SCFD2: variants seen among roughly 807,000 people sequenced by gnomAD.
The protein encoded by SCFD2 is sec1 family domain containing 2, also known as sec1 family domain-containing protein 2.
A neutral mutation model predicts 58.9 loss-of-function variants in SCFD2; 54 were observed. The observed-to-expected ratio is 0.92, with a 90% CI of 0.74 to 1.15. The LOEUF (loss-of-function observed/expected upper bound fraction) is 1.15. Ranked by LOEUF, SCFD2 falls within the 50% of genes most tolerant of loss-of-function variation. The probability of loss-of-function intolerance (pLI) is 0.00; values close to 1 mark genes in which losing one functional copy is unlikely to be tolerated. For missense variants in SCFD2, 805 were observed against 836.6 expected (o/e 0.96, Z 0.47); for synonymous variants, 321 against 335.9 (o/e 0.96, Z 0.49).
At chr4:53,311,670 T>C (rs1732695658) in intron 3 of SCFD2, among the ~76,000 whole-genome samples, 2 of 151,614 alleles carry the variant, frequency 1.3e-5, no homozygotes, top group South Asian at 4.2e-4. Flanking sequence ...GGTGTCTCAC[T>C]CTGTTGCCAG....
At chr4:53,137,767 T>C (rs372878632) in intron 5 of SCFD2, among the ~76,000 whole-genome samples, 2 of 152,188 alleles carry the variant, frequency 1.3e-5, no homozygotes, top group African/African-American at 4.8e-5. Context: ...ACAAAACATG[T>C]TTAGCAAGAC....
chr4:52,879,637 G>A lies in SCFD2; in HGVS notation c.1963-5576C>T, dbSNP rs571599138. Among the ~76,000 whole-genome samples the A allele has an allele frequency of 4.6e-5, 7 of 152,352 alleles. No individual in the cohort carries two copies. In the South Asian group the frequency reaches 1.5e-3, roughly 32 times the overall value. ...TATCTACTCCAGCTGGAAGGGGGAT[G>A]TTCGGTCTTTGTTCTCAGGCCTGCC... On this transcript the variant is annotated intron_variant, in intron 8 of 8. Coordinates refer to ENST00000401642, the MANE Select transcript of SCFD2 (RefSeq NM_152540.4).
chr4:53,011,832 C>A (rs1036734353), intron 5 of SCFD2, among the ~76,000 whole-genome samples: 2 of 152,056 alleles, frequency 1.3e-5, no homozygotes, highest in South Asian at 2.1e-4. Context: ...TCCTTGATGC[C>A]TTCATAACAT....
At chr4:53,017,474 T>A (rs1722242970) in intron 5 of SCFD2, among the ~76,000 whole-genome samples, 1 of 152,226 alleles carries the variant, frequency 6.6e-6, no homozygotes, top group African/African-American at 2.4e-5. Context: ...CAATACAGGT[T>A]TTATAAACCT....
intron 5 of SCFD2, among the ~76,000 whole-genome samples, chr4:53,058,110 T>C (rs903827224): frequency 2.6e-5 from 4 of 152,178 alleles, no homozygotes; most frequent in African/African-American, 9.7e-5. Flanking sequence ...ACTTAGCTAA[T>C]TACAAATCTA....
intron 5 of SCFD2, among the ~76,000 whole-genome samples, chr4:53,071,819 A>C (rs1414871171): frequency 1.3e-5 from 2 of 152,184 alleles, no homozygotes; most frequent in Non-Finnish European, 2.9e-5. Context: ...TATATTCTAA[A>C]AGGGGGATTT....
intron 4 of SCFD2, among the ~76,000 whole-genome samples, chr4:53,235,116 A>C (rs1250230841): frequency 6.6e-6 from 1 of 152,246 alleles, no homozygotes; most frequent in Admixed American, 6.5e-5. Context: ...CTGCCCTTTA[A>C]ATGCACAGCC....
intron 5 of SCFD2, among the ~76,000 whole-genome samples, chr4:53,121,253 C>T (rs542720996): frequency 3.9e-5 from 6 of 152,242 alleles, no homozygotes; most frequent in East Asian, 1.9e-4. Flanking sequence ...AGGGCCCACA[C>T]GTAATACAAG....
intron 5 of SCFD2, among the ~76,000 whole-genome samples, chr4:53,064,279 C>T (rs1209856917): frequency 6.6e-6 from 1 of 152,072 alleles, no homozygotes; most frequent in Non-Finnish European, 1.5e-5. Flanking sequence ...CTTCCACCCT[C>T]CCCCTCTAGT....
intron 7 of SCFD2, among the ~76,000 whole-genome samples, chr4:52,895,439 GTGATACTTTGCTGAGAA>G (rs1296319595): frequency 6.6e-6 from 1 of 152,032 alleles, no homozygotes; most frequent in Non-Finnish European, 1.5e-5. Flanking sequence ...TTTTGCCTTT[GTGATACTTTGCTGAGAA>G]TGATGGTTTC....
chr4:53,126,509 T>C (rs904857513), intron 5 of SCFD2, among the ~76,000 whole-genome samples: 13 of 152,098 alleles, frequency 8.5e-5, no homozygotes, highest in African/African-American at 3.1e-4. Flanking sequence ...AGAGACAGGG[T>C]TTTGCCATGT....
chr4:52,875,060 TA>T (rs1718438557), intron 8 of SCFD2, among the ~76,000 whole-genome samples: 1 of 152,096 alleles, frequency 6.6e-6, no homozygotes, highest in Admixed American at 6.5e-5. Context: ...ATGAAGAAAA[TA>T]AAGTACAGAA....
At chr4:52,981,247 C>G (rs1272872291) in intron 5 of SCFD2, among the ~76,000 whole-genome samples, 3 of 152,134 alleles carry the variant, frequency 2.0e-5, no homozygotes, top group Non-Finnish European at 2.9e-5. Flanking sequence ...AACATACAAA[C>G]TCACATGGAG....
intron 3 of SCFD2, among the ~76,000 whole-genome samples, chr4:53,282,815 T>C (rs1431302136): frequency 1.3e-5 from 2 of 152,046 alleles, no homozygotes; most frequent in African/African-American, 4.8e-5. Flanking sequence ...TCATGTGTGG[T>C]TTTTTAAATT....
At chr4:53,327,327 G>A (rs534566501) in intron 2 of SCFD2, among the ~76,000 whole-genome samples, 1 of 152,172 alleles carries the variant, frequency 6.6e-6, no homozygotes, top group East Asian at 1.9e-4. Context: ...GTCTGACCCA[G>A]GGTGGCAGAG....
intron 5 of SCFD2, among the ~76,000 whole-genome samples, chr4:52,938,657 C>G (rs749893992): frequency 6.6e-6 from 1 of 152,116 alleles, no homozygotes; most frequent in South Asian, 2.1e-4. Context: ...ATAACTAACA[C>G]TTAATGTCCT....
intron 5 of SCFD2, among the ~76,000 whole-genome samples, chr4:52,937,560 G>A (rs1720172406): frequency 6.6e-6 from 1 of 152,154 alleles, no homozygotes; most frequent in Admixed American, 6.5e-5. Context: ...CTTCCCGACA[G>A]TAAGAACATG....
chr4:53,237,925 T>G (rs1382815079), intron 4 of SCFD2, among the ~76,000 whole-genome samples: 2 of 35,336 alleles, frequency 5.7e-5, no homozygotes, highest in Non-Finnish European at 1.1e-4. Context: ...CCACCTCCCT[T>G]CCGGACGGGG....
At position 53,145,358 on chromosome 4, in the gene SCFD2, C is replaced by T. The variant is rs148293014; in HGVS notation, c.1536G>A (p.Leu512=). The T allele has an allele frequency of 2.2e-4, 360 of 1,614,000 alleles. No individual in the cohort carries two copies. The highest frequency in any genetic ancestry group is 2.8e-4 in the Non-Finnish European group (327 of 1,180,034). The change falls in exon 5 of 9, where the codon TTG becomes TTA. Residue 512 remains leucine (L), a synonymous_variant. Transcript: ENST00000401642. ...LAQVFCEESG[L]SPLLQKITDW... ...CCGTAATTTTTTGCAGCAAAGGTGA[C>T]AATCCAGATTCCTCACAGAAGACCT...
Sources: gnomAD v4.1 joint callset for allele counts (sites outside exome capture counted in the v4.1 genomes callset) on GRCh38, gnomAD v4.1.1 for gene constraint, MANE v1.5 for transcripts, NCBI Gene and HGNC (gene_info 2026-07-23, HGNC 2026-07-21) for gene names.